ZNF536: variants seen among roughly 807,000 people sequenced by gnomAD.
The protein encoded by ZNF536 is zinc finger protein 536.
Under a neutral mutation model 84.5 loss-of-function variants are expected in ZNF536, and 13 were observed. The observed-to-expected ratio is 0.15, with a 90% CI of 0.10 to 0.24. The LOEUF (loss-of-function observed/expected upper bound fraction) is 0.24, where lower values mean the gene tolerates loss of function less well. Ranked by LOEUF, ZNF536 falls within the 10% of genes least tolerant of loss-of-function variation. The pLI, the probability that ZNF536 is intolerant of heterozygous loss-of-function variation, is 1.00. For missense variants in ZNF536, 1,536 were observed against 1,747.5 expected (o/e 0.88, Z 2.16); for synonymous variants, 811 against 742.5 (o/e 1.09, Z -1.50).
chr19:30,276,772 G>T (rs1011393773), intron 1 of ZNF536, among the ~76,000 whole-genome samples: 2 of 151,820 alleles, frequency 1.3e-5, no homozygotes, highest in Non-Finnish European at 2.9e-5. Flanking sequence ...AAATTCCGGC[G>T]AACATTAAGC....
chr19:30,610,108 C>A (rs1331873779), intron 1 of ZNF536, among the ~76,000 whole-genome samples: 1 of 152,234 alleles, frequency 6.6e-6, no homozygotes, highest in Non-Finnish European at 1.5e-5. Flanking sequence ...TGTGGAAAGA[C>A]AAAAGCACAT....
At chr19:30,602,968 G>A (rs1342613842) in intron 1 of ZNF536, among the ~76,000 whole-genome samples, 1 of 152,190 alleles carries the variant, frequency 6.6e-6, no homozygotes, top group Admixed American at 6.5e-5. Flanking sequence ...CAAACAAGGA[G>A]AGATTAGACG....
intron 2 of ZNF536, among the ~76,000 whole-genome samples, chr19:30,326,807 T>TTG (rs2047050111): frequency 3.0e-5 from 4 of 134,274 alleles, no homozygotes; most frequent in African/African-American, 1.1e-4. Context: ...TTTTTTTTTT[T>TTG]TTTTTTTTTT....
chr19:30,407,361 T>C (rs574504808), intron 1 of ZNF536, among the ~76,000 whole-genome samples: 1 of 152,322 alleles, frequency 6.6e-6, no homozygotes, highest in East Asian at 1.9e-4. Flanking sequence ...ACTACAACTA[T>C]AGTCATCAAC....
intron 2 of ZNF536, among the ~76,000 whole-genome samples, chr19:30,450,461 A>G (rs1393504174): frequency 6.6e-6 from 1 of 152,046 alleles, no homozygotes; most frequent in Non-Finnish European, 1.5e-5. Flanking sequence ...ACCACCTTCC[A>G]CCTCTAGGCA....
At chr19:30,618,728 T>G (rs891945131) in intron 1 of ZNF536, among the ~76,000 whole-genome samples, 4 of 152,258 alleles carry the variant, frequency 2.6e-5, no homozygotes, top group Non-Finnish European at 4.4e-5. Flanking sequence ...CTCTCAAATC[T>G]TTTTGTTGAT....
In ZNF536 at chr19:30,600,987, G is replaced by A. The variant is rs2047664973; in HGVS notation, c.169+51473G>A. On this transcript the variant is annotated intron_variant, in intron 1 of 1. Coordinates refer to the ZNF536 transcript ENST00000592773. ...TTTCTGATTTTTACTGATGGAGTTG[G>A]TTAGAGAAAGACTTTGGGTAAAAGG... Among the ~76,000 whole-genome samples, 3 of 152,162 alleles carry A rather than the reference G, an allele frequency of 2.0e-5. No homozygotes were observed. In the South Asian group the frequency reaches 6.2e-4, roughly 32 times the overall value.
intron 2 of ZNF536, among the ~76,000 whole-genome samples, chr19:30,446,174 G>A (rs1271060855): frequency 6.7e-6 from 1 of 150,066 alleles, no homozygotes; most frequent in Non-Finnish European, 1.5e-5. Context: ...GCTTGAGCCC[G>A]GGAGGGGGAG....
intron 2 of ZNF536, among the ~76,000 whole-genome samples, chr19:30,301,681 A>G (rs2046189963): frequency 6.6e-6 from 1 of 152,210 alleles, no homozygotes; most frequent in Non-Finnish European, 1.5e-5. Flanking sequence ...ATTGGTAACT[A>G]TATTTAGGAG....
intron 1 of ZNF536, among the ~76,000 whole-genome samples, chr19:30,429,224 C>T (rs757304023): frequency 1.3e-5 from 2 of 152,162 alleles, no homozygotes; most frequent in African/African-American, 2.4e-5. Flanking sequence ...TCAGTCAGCA[C>T]TTCCTGAGCA....
Position 30,557,158 on chromosome 19 carries a change from T to A in ZNF536, c.3897T>A (p.Gly1299=). ...SGCIKRPDLC[G]K is the part of the protein sequence containing the mutation. ...ATAAATCTGCACATTTTCTTGCAGGTAAGTGACACTCCCTGTCCTAGTCGG... is the reference window on the plus strand; with the variant it reads ...ATAAATCTGCACATTTTCTTGCAGGAAAGTGACACTCCCTGTCCTAGTCGG... Residue 1299 remains glycine (G), a splice_region_variant and synonymous_variant, in exon 5 of 5, where the codon GGT becomes GGA. Transcript: ENST00000355537. 6.2e-7 allele frequency: 1 copy of A among 1,613,764 alleles called. No homozygotes were observed. Among genetic ancestry groups the A allele is most frequent in the Non-Finnish European group, 8.5e-7 (1 of 1,179,814 alleles).
chr19:30,549,457 A>G lies in ZNF536; in HGVS notation c.3838A>G (p.Asn1280Asp), dbSNP rs2146257790. The change falls in exon 4 of 5, where the codon AAC (asparagine) becomes GAC (aspartate). Residue 1280 changes from asparagine to aspartate, a missense_variant. By Grantham distance (23) the Asn-to-Asp change is conservative (BLOSUM62 1). Transcript: ENST00000355537. ...CAGTTCTGATGGCTTAGCAGCCTTT[A>G]ACGGACTTGCAAGTAGCACAGCAAA... Reference protein sequence around the residue: ...AYSSDGLAAFNGLASSTANSG... With the variant: ...AYSSDGLAAFDGLASSTANSG... 1 of 1,526,148 alleles carries G rather than the reference A, an allele frequency of 6.6e-7. No homozygotes were observed. Among genetic ancestry groups the G allele is most frequent in the Non-Finnish European group, 8.8e-7 (1 of 1,137,640 alleles). The allele number at this position is 1,526,148 out of a possible 1,614,324, so 94.5% of individuals were successfully genotyped here.
intron 2 of ZNF536, among the ~76,000 whole-genome samples, chr19:30,292,097 A>G (rs2045859864): frequency 6.6e-6 from 1 of 152,158 alleles, no homozygotes; most frequent in African/African-American, 2.4e-5. Flanking sequence ...ACCCTTGCCA[A>G]TCCTGCCCTA....
At chr19:30,271,698 G>T (rs1004527287) in intron 1 of ZNF536, among the ~76,000 whole-genome samples, 1 of 152,124 alleles carries the variant, frequency 6.6e-6, no homozygotes, top group African/African-American at 2.4e-5. Context: ...ACTTTTTGAA[G>T]CATCCAGGTT....
intron 1 of ZNF536, among the ~76,000 whole-genome samples, chr19:30,406,958 T>G (rs4805560): frequency 0.95 from 144,961 of 152,326 alleles, 69,101 homozygotes; most frequent in African/African-American, 0.98. Context: ...TGTCTCTGCT[T>G]TGGACCCTGG....
chr19:30,503,957 A>G (rs1344413682), intron 2 of ZNF536, among the ~76,000 whole-genome samples: 3 of 151,518 alleles, frequency 2.0e-5, no homozygotes, highest in Admixed American at 1.3e-4. Flanking sequence ...TTAAATTTGG[A>G]AAAAGTCTAT....
chr19:30,447,781 G>A lies in ZNF536; in HGVS notation c.2170+2049G>A, dbSNP rs190957431. ...TGGATTAGGACCTTTACAGGACAGG[G>A]TGCAGACAGCAAACTGGTTCCCCTA... is the stretch of plus-strand genomic sequence containing the variant. On this transcript the variant is annotated intron_variant, in intron 2 of 4. Transcript: ENST00000355537. Among the ~76,000 whole-genome samples the A allele has an allele frequency of 2.6e-3, 402 of 152,282 alleles. 1 individual carries two copies. Among genetic ancestry groups the A allele is most frequent in the African/African-American group, 9.4e-3 (389 of 41,568 alleles).
chr19:30,689,912 A>G (rs2051343576), intron 1 of ZNF536, among the ~76,000 whole-genome samples: 1 of 152,248 alleles, frequency 6.6e-6, no homozygotes, highest in Admixed American at 6.5e-5. Context: ...TGAAAATTTC[A>G]GCGTGGCTTT....
chr19:30,405,690 G>A lies in ZNF536; in HGVS notation c.-3+33134G>A, dbSNP rs144298590. Among the ~76,000 whole-genome samples, 1,013 of 152,180 alleles carry A rather than the reference G, an allele frequency of 6.7e-3. 13 individuals are homozygous for A. Among genetic ancestry groups the A allele is most frequent in the African/African-American group, 0.024 (981 of 41,510 alleles). ...ACCGGTGTGATCAGTCGCCACACCC[G>A]AATCGTTTTCCACCTTTGCATCCTG... On this transcript the variant is annotated intron_variant, in intron 1 of 4. Coordinates refer to ENST00000355537, the MANE Select transcript of ZNF536 (RefSeq NM_014717.3).
Sources: gnomAD v4.1 joint callset for allele counts (sites outside exome capture counted in the v4.1 genomes callset) on GRCh38, gnomAD v4.1.1 for gene constraint, MANE v1.5 for transcripts, NCBI Gene and HGNC (gene_info 2026-07-23, HGNC 2026-07-21) for gene names.